FBXL2: variants seen among roughly 807,000 people sequenced by gnomAD.
The protein encoded by FBXL2 is F-box/LRR-repeat protein 2.
FBXL2 carries 38 observed loss-of-function variants against 69.2 expected under a neutral mutation model. The observed-to-expected ratio is 0.55, with a 90% CI of 0.42 to 0.72. The LOEUF (loss-of-function observed/expected upper bound fraction) is 0.72, where lower values mean the gene tolerates loss of function less well. FBXL2 is among the 30% of genes least tolerant of loss of function. The probability of loss-of-function intolerance (pLI) is 0.00; values close to 1 mark genes in which losing one functional copy is unlikely to be tolerated. For synonymous variants in FBXL2, 192 were observed against 201.3 expected (o/e 0.95, Z 0.39); for missense variants, 354 against 520.3 (o/e 0.68, Z 3.11).
In FBXL2 at chr3:33,279,012, A is replaced by C. The variant is rs543409066; in HGVS notation, c.3+1497A>C. ...TCTTCCACTTCTTTCGTTCTGACCC[A>C]CAGCCCACCCTCATTCACTATTGTG... On this transcript the variant is annotated intron_variant, in intron 1 of 14. Transcript: ENST00000484457. Among the ~76,000 whole-genome samples the C allele has an allele frequency of 4.6e-5, 7 of 152,318 alleles. No individual in the cohort carries two copies. In the East Asian group the frequency reaches 1.4e-3, roughly 29 times the overall value.
chr3:33,352,731 A>G (rs1341223249), intron 2 of FBXL2, among the ~76,000 whole-genome samples: 6 of 152,152 alleles, frequency 3.9e-5, no homozygotes, highest in African/African-American at 1.4e-4. Flanking sequence ...ATCCGTCTCT[A>G]CTAAAAATAC....
intron 2 of FBXL2, among the ~76,000 whole-genome samples, chr3:33,327,014 TAA>T (rs2038751743): frequency 1.3e-5 from 2 of 152,238 alleles, no homozygotes; most frequent in African/African-American, 4.8e-5. Context: ...CAGAATTTTC[TAA>T]AGTCCTGTTA....
chr3:33,395,750 GAAAAAAAAAAAAAA>G (rs61654235), intron 12 of FBXL2, among the ~76,000 whole-genome samples: 3 of 69,796 alleles, frequency 4.3e-5, no homozygotes, highest in South Asian at 5.3e-4. Context: ...CAGGAAAATT[GAAAAAAAAAAAAAA>G]AAAAAAAAAG....
rs763318527 is a variant in FBXL2 at position 33,358,991 on chromosome 3, A to G, written c.90A>G (p.Val30=). 3.9e-6 allele frequency: 6 copies of G among 1,554,842 alleles called. No individual in the cohort carries two copies. The highest frequency in any genetic ancestry group is 5.2e-6 in the Non-Finnish European group (6 of 1,146,088). ...GAATATTTTCCTTCTTGGATATAGT[A>G]ACTTTGTGCCGATGTGCACAGATTT... The part of the protein sequence containing the change: ...LLRIFSFLDI[V]TLCRCAQISK... Residue 30 remains valine (V), a synonymous_variant, in exon 3 of 15, where the codon GTA becomes GTG. Coordinates refer to ENST00000484457, the MANE Select transcript of FBXL2 (RefSeq NM_012157.5).
chr3:33,355,662 A>G (rs565112660), intron 2 of FBXL2, among the ~76,000 whole-genome samples: 134 of 152,332 alleles, frequency 8.8e-4, no homozygotes, highest in African/African-American at 2.8e-3. Flanking sequence ...ACAAAGTCCA[A>G]AAGTATATCC....
the FBXL2 span, chr3:33,411,723 C>T: frequency 2.6e-6 from 4 of 1,523,978 alleles, no homozygotes; most frequent in Non-Finnish European, 3.6e-6. Flanking sequence ...AAAACATCCA[C>T]TTTAAATAAC....
In FBXL2 at chr3:33,384,136, G is replaced by A. The variant is rs1320752882; in HGVS notation, c.1099G>A (p.Gly367Ser). ...VALEHLENCRGLERLELYDCQ... is the reference protein window; with the variant it reads ...VALEHLENCRSLERLELYDCQ... ...CCTGGAACACCTAGAGAACTGCCGA[G>A]GCCTGGAGCGCCTCGAGCTGTACGA... The change falls in exon 14 of 15, where the codon GGC (glycine) becomes AGC (serine). Residue 367 changes from glycine (G) to serine (S), a missense_variant. Transcript: ENST00000484457. The A allele has an allele frequency of 3.1e-6, 5 of 1,614,032 alleles. No homozygotes were observed. The highest frequency in any genetic ancestry group is 4.2e-6 in the Non-Finnish European group (5 of 1,180,052).
intron 2 of FBXL2, among the ~76,000 whole-genome samples, chr3:33,326,505 CAA>C (rs543949783): frequency 1.4e-4 from 14 of 96,554 alleles, no homozygotes; most frequent in Admixed American, 3.2e-4. Context: ...GACTCCGTCT[CAA>C]AAAAAAAAAA....
chr3:33,412,186 C>CAAAAAAAAAAAAAAAAAAAA, the FBXL2 span, among the ~76,000 whole-genome samples: 1 of 63,456 alleles, frequency 1.6e-5, no homozygotes, highest in Non-Finnish European at 3.2e-5. Flanking sequence ...AACTCCGTCT[C>CAAAAAAAAAAAAAAAAAAAA]AAAAAAAAAA....
chr3:33,329,124 A>G (rs2038954337), intron 2 of FBXL2, among the ~76,000 whole-genome samples: 1 of 152,236 alleles, frequency 6.6e-6, no homozygotes, highest in South Asian at 2.1e-4. Context: ...GACATTTCTC[A>G]AAAGAAGAAA....
At chr3:33,351,589 TTAAC>T (rs1222262223) in intron 2 of FBXL2, among the ~76,000 whole-genome samples, 1 of 152,148 alleles carries the variant, frequency 6.6e-6, no homozygotes, top group Non-Finnish European at 1.5e-5. Flanking sequence ...TGCTAAAATG[TTAAC>T]TTTTTTCAAG....
chr3:33,306,933 G>C (rs548282516), intron 2 of FBXL2, among the ~76,000 whole-genome samples: 1 of 152,132 alleles, frequency 6.6e-6, no homozygotes, highest in East Asian at 1.9e-4. Context: ...TTATAAACAG[G>C]CACTTCAGTT....
At chr3:33,374,451 G>T (rs1256654243) in intron 9 of FBXL2, among the ~76,000 whole-genome samples, 1 of 152,194 alleles carries the variant, frequency 6.6e-6, no homozygotes, top group Non-Finnish European at 1.5e-5. Context: ...TGAAGAGGAT[G>T]CTTGCTACAT....
chr3:33,385,234 A>G (rs1229338130), intron 14 of FBXL2, among the ~76,000 whole-genome samples: 2 of 152,192 alleles, frequency 1.3e-5, no homozygotes, highest in Non-Finnish European at 2.9e-5. Context: ...ACAGCTGTAG[A>G]GAACATTCAC....
intron 2 of FBXL2, among the ~76,000 whole-genome samples, chr3:33,330,329 T>G (rs971180502): frequency 2.6e-5 from 4 of 151,106 alleles, no homozygotes; most frequent in Admixed American, 2.6e-4. Context: ...AGTAGACTGA[T>G]GGTTAACAGT....
rs1166239238 is a variant in FBXL2 at position 33,350,408 on chromosome 3, CACAAG to C, written c.66-8556_66-8552del. Among the ~76,000 whole-genome samples the C allele has an allele frequency of 4.6e-5, 7 of 151,596 alleles. No individual in the cohort carries two copies. In the East Asian group the frequency reaches 9.7e-4, roughly 21 times the overall value. On this transcript the variant is annotated intron_variant, in intron 2 of 14. Coordinates refer to ENST00000484457, the MANE Select transcript of FBXL2 (RefSeq NM_012157.5). ...TTCCTGATTTGATAAAGAACATCTA[CACAAG>C]ACCTACAGCTAACATCATAATTTTT...
In FBXL2 at chr3:33,394,191, T is replaced by TTTATTATTATTATTA. The variant is rs148929407; in HGVS notation, n.1214+8484_1214+8498dup. Among the ~76,000 whole-genome samples, 324 of 143,414 alleles carry TTTATTATTATTATTA rather than the reference T, an allele frequency of 2.3e-3. 2 individuals are homozygous for TTTATTATTATTATTA. Among genetic ancestry groups the TTTATTATTATTATTA allele is most frequent in the South Asian group, 0.01 (47 of 4,484 alleles). The allele number at this position is 143,414 out of a possible 152,430, so 94.1% of individuals were successfully genotyped here. On this transcript the variant is annotated intron_variant and non_coding_transcript_variant, in intron 12 of 12. Coordinates refer to the FBXL2 transcript ENST00000463736. ...CACACGCCACCATGCCTGGCTAATT[T>TTTATTATTATTATTA]TTATTATTATTATTATTATTATTAT...
At chr3:33,412,618 C>A in the FBXL2 span, 1 of 778,954 alleles carries the variant, frequency 1.3e-6, no homozygotes, top group Non-Finnish European at 2.1e-6. Flanking sequence ...CCACAAACAC[C>A]AAAACTTTCC....
At chr3:33,370,377 C>A (rs1222660733) in intron 5 of FBXL2, among the ~76,000 whole-genome samples, 1 of 149,322 alleles carries the variant, frequency 6.7e-6, no homozygotes, top group East Asian at 2.0e-4. Context: ...GAGATTGCAC[C>A]ACTGCACTCC....
Sources: gnomAD v4.1 joint callset for allele counts (sites outside exome capture counted in the v4.1 genomes callset) on GRCh38, gnomAD v4.1.1 for gene constraint, MANE v1.5 for transcripts, NCBI Gene and HGNC (gene_info 2026-07-23, HGNC 2026-07-21) for gene names.